Variants in FGGY observed in about 807,000 individuals in gnomAD.
FGGY encodes the protein FGGY carbohydrate kinase domain-containing protein.
In FGGY, 72 loss-of-function variants were observed where a neutral mutation model predicts 71.3. That is an observed-to-expected ratio of 1.01 (90% CI 0.84 to 1.23). The LOEUF is 1.23. Ranked by LOEUF, FGGY falls within the 50% of genes most tolerant of loss-of-function variation. The pLI, the probability that FGGY is intolerant of heterozygous loss-of-function variation, is 0.00. For missense variants in FGGY, 668 were observed against 682.3 expected, an observed-to-expected ratio of 0.98 and a Z score of 0.23; for synonymous variants, 251 against 250.3, an observed-to-expected ratio of 1.00 and a Z score of -0.02.
chr1:59,685,450 G>A (rs780227964), intron 14 of FGGY, among the ~76,000 whole-genome samples: 11 of 151,908 alleles, frequency 7.2e-5, no homozygotes, highest in Non-Finnish European at 1.5e-4. Flanking sequence ...ATTTAAGAAA[G>A]CTTACAATAA....
chr1:59,368,604 C>T (rs1328633092), intron 4 of FGGY, among the ~76,000 whole-genome samples: 1 of 152,138 alleles, frequency 6.6e-6, no homozygotes, highest in Non-Finnish European at 1.5e-5. Context: ...CTAATGCAGG[C>T]CCAGTGGTTA....
chr1:59,527,083 C>G (rs1305957630), intron 7 of FGGY, among the ~76,000 whole-genome samples: 2 of 152,198 alleles, frequency 1.3e-5, no homozygotes, highest in East Asian at 3.8e-4. Context: ...TTTCTCAGCA[C>G]TGATTTTGAT....
chr1:59,563,232 T>C (rs1257876959), intron 8 of FGGY, among the ~76,000 whole-genome samples: 2 of 152,148 alleles, frequency 1.3e-5, no homozygotes, highest in Non-Finnish European at 2.9e-5. Flanking sequence ...TGGCTGCGGG[T>C]TTGTCATAAA....
intron 14 of FGGY, among the ~76,000 whole-genome samples, chr1:59,740,112 T>C (rs4915905): frequency 0.097 from 14,823 of 152,246 alleles, 868 homozygotes; most frequent in East Asian, 0.17. Flanking sequence ...GAGGTTGTAA[T>C]GGCTCCTTAC....
chr1:59,689,197 A>G (rs1389700160), intron 14 of FGGY, among the ~76,000 whole-genome samples: 1 of 152,154 alleles, frequency 6.6e-6, no homozygotes, highest in Admixed American at 6.5e-5. Flanking sequence ...TACCAGCAGG[A>G]AAGAGTAGCC....
chr1:59,651,156 G>C (rs948015484), intron 11 of FGGY, among the ~76,000 whole-genome samples: 1 of 151,806 alleles, frequency 6.6e-6, no homozygotes, highest in Non-Finnish European at 1.5e-5. Context: ...TTGCTGAGGA[G>C]AGCTTTACTT....
chr1:59,590,224 C>G (rs1202587532), intron 8 of FGGY, among the ~76,000 whole-genome samples: 3 of 152,116 alleles, frequency 2.0e-5, no homozygotes, highest in African/African-American at 4.8e-5. Context: ...TACACCCTCC[C>G]AAGCCTAAAC....
intron 10 of FGGY, among the ~76,000 whole-genome samples, chr1:59,632,286 TA>T (rs2096915348): frequency 6.6e-6 from 1 of 152,168 alleles, no homozygotes; most frequent in Non-Finnish European, 1.5e-5. Context: ...AAATTGTAGA[TA>T]AATAAGGAGA....
intron 8 of FGGY, among the ~76,000 whole-genome samples, chr1:59,592,193 A>G (rs1472605010): frequency 6.6e-6 from 1 of 152,270 alleles, no homozygotes; most frequent in East Asian, 1.9e-4. Context: ...AATGCTCACC[A>G]TCACTGGCCA....
intron 7 of FGGY, among the ~76,000 whole-genome samples, chr1:59,540,828 A>G (rs1213629961): frequency 1.3e-5 from 2 of 152,194 alleles, no homozygotes; most frequent in Non-Finnish European, 2.9e-5. Flanking sequence ...GTTTGTTAGA[A>G]GTGAAGTCAG....
intron 5 of FGGY, among the ~76,000 whole-genome samples, chr1:59,435,289 C>T (rs533053474): frequency 3.3e-5 from 5 of 152,266 alleles, no homozygotes; most frequent in South Asian, 2.1e-4. Context: ...TAAAATGCAA[C>T]GTGTATGTCC....
chr1:59,687,317 T>C (rs2097551430), intron 14 of FGGY, among the ~76,000 whole-genome samples: 1 of 152,236 alleles, frequency 6.6e-6, no homozygotes, highest in Non-Finnish European at 1.5e-5. Flanking sequence ...CGTTCTATAC[T>C]GACATTCCCT....
intron 1 of FGGY, among the ~76,000 whole-genome samples, chr1:59,307,605 G>A (rs552028263): frequency 9.2e-5 from 14 of 152,156 alleles, no homozygotes; most frequent in Non-Finnish European, 2.1e-4. Flanking sequence ...TAAGTCACTG[G>A]CACCACATCT....
chr1:59,724,077 C>T (rs1323439766), intron 14 of FGGY, among the ~76,000 whole-genome samples: 2 of 145,866 alleles, frequency 1.4e-5, no homozygotes, highest in South Asian at 2.2e-4. Context: ...GCAGGAGAAT[C>T]GCTTGAACTT....
intron 6 of FGGY, among the ~76,000 whole-genome samples, chr1:59,462,920 A>G (rs2092351836): frequency 6.6e-6 from 1 of 151,758 alleles, no homozygotes; most frequent in African/African-American, 2.4e-5. Flanking sequence ...GGGATCTAGA[A>G]CTAGAAATAC....
At chr1:59,317,920 T>G (rs1199018892) in intron 1 of FGGY, among the ~76,000 whole-genome samples, 1 of 152,108 alleles carries the variant, frequency 6.6e-6, no homozygotes, top group Non-Finnish European at 1.5e-5. Flanking sequence ...CCACCTGGTG[T>G]TGTGGAAGGG....
chr1:59,651,936 A>C (rs1189984310), intron 11 of FGGY, among the ~76,000 whole-genome samples: 1 of 151,410 alleles, frequency 6.6e-6, no homozygotes, highest in Admixed American at 6.6e-5. Context: ...GAGCTCTTTT[A>C]GGGCAGGCCT....
rs925549754 is a variant in FGGY, at chr1:59,624,153, T to C, written c.1012-1835T>C. Reference sequence around the variant, plus strand: ...TTTTTTTTTTCATTGAAATGACCAATGTCTTTGATATCATTTTGAAACATT... The same window carrying C: ...TTTTTTTTTTCATTGAAATGACCAACGTCTTTGATATCATTTTGAAACATT... On this transcript the variant is annotated intron_variant, in intron 9 of 15. Transcript: ENST00000303721. 3.9e-5 allele frequency among the ~76,000 whole-genome samples: 6 copies of C among 152,068 alleles called. No homozygotes were observed. The East Asian group carries it at 1.2e-3, about 29-fold the overall frequency.
rs187735777 is a variant in FGGY at position 59,387,464 on chromosome 1, T to C, written c.554+8627T>C. 1.3e-3 allele frequency among the ~76,000 whole-genome samples: 195 copies of C among 152,308 alleles called. 1 individual carries two copies. The highest frequency in any genetic ancestry group is 4.4e-3 in the African/African-American group (182 of 41,574). ...CTTATATTTATCAACCACTTATTTATGTATGTCATTGTCAATTACTAATTA... is the reference window on the plus strand; with the variant it reads ...CTTATATTTATCAACCACTTATTTACGTATGTCATTGTCAATTACTAATTA... On this transcript the variant is annotated intron_variant, in intron 5 of 15. Coordinates refer to ENST00000303721, the MANE Select transcript of FGGY (RefSeq NM_018291.5).
Sources: allele counts gnomAD v4.1 joint callset (sites outside exome capture counted in the v4.1 genomes callset), GRCh38; gene constraint gnomAD v4.1.1; transcripts MANE v1.5; gene names NCBI Gene and HGNC (gene_info 2026-07-23, HGNC 2026-07-21).